RTF2: variants seen among roughly 807,000 people sequenced by gnomAD.
RTF2 encodes the protein replication termination factor 2.
A neutral mutation model predicts 38.0 loss-of-function variants in RTF2; 18 were observed. The ratio of observed to expected loss-of-function variants is 0.47; its 90% CI spans 0.33 to 0.70. RTF2 has a LOEUF of 0.70. RTF2 is among the 30% of genes least tolerant of loss of function. RTF2 has a pLI of 0.02. For synonymous variants in RTF2, 126 were observed against 137.1 expected, an observed-to-expected ratio of 0.92 and a Z score of 0.57; for missense variants, 311 against 379.6, an observed-to-expected ratio of 0.82 and a Z score of 1.50.
chr20:56,506,753 T>C (rs960321073), intron 5 of RTF2, among the ~76,000 whole-genome samples: 3 of 152,030 alleles, frequency 2.0e-5, no homozygotes, highest in Non-Finnish European at 4.4e-5. Context: ...CAGGCTGGAG[T>C]GCAGTGGCAC....
intron 1 of RTF2, chr20:56,472,275 C>G (rs993476752): frequency 2.0e-6 from 2 of 1,022,734 alleles, no homozygotes; most frequent in African/African-American, 3.3e-5. Context: ...TTCTTTTTTT[C>G]TTTTCTCTTC....
At chr20:56,508,751 G>A (rs972560016) in intron 5 of RTF2, among the ~76,000 whole-genome samples, 1 of 152,156 alleles carries the variant, frequency 6.6e-6, no homozygotes, top group African/African-American at 2.4e-5. Context: ...TGACAAAAGG[G>A]CCAAGTCAAT....
At chr20:56,517,621 A>G (rs1985132941) in intron 8 of RTF2, among the ~76,000 whole-genome samples, 1 of 152,204 alleles carries the variant, frequency 6.6e-6, no homozygotes, top group Non-Finnish European at 1.5e-5. Flanking sequence ...CTGCCTCTTG[A>G]CCAAGGATCA....
At chr20:56,502,578 A>ATTTTTTTTTTTTTTT (rs1292800641) in intron 5 of RTF2, among the ~76,000 whole-genome samples, 1 of 152,166 alleles carries the variant, frequency 6.6e-6, no homozygotes, top group Non-Finnish European at 1.5e-5. Flanking sequence ...CTTTCGTTGC[A>ATTTTTTTTTTTTTTT]TTTTTTATAT....
chr20:56,495,540 C>T (rs1429750635), intron 5 of RTF2, among the ~76,000 whole-genome samples: 4 of 152,182 alleles, frequency 2.6e-5, no homozygotes, highest in African/African-American at 9.7e-5. Flanking sequence ...GGTTGGGGAT[C>T]CCCATCTTTG....
chr20:56,492,944 G>A (rs760556346), intron 5 of RTF2, among the ~76,000 whole-genome samples: 5 of 151,852 alleles, frequency 3.3e-5, no homozygotes, highest in South Asian at 2.1e-4. Context: ...TTGGGAGGCC[G>A]AGGCGGGTGG....
chr20:56,480,352 G>A (rs1229520326), intron 4 of RTF2, among the ~76,000 whole-genome samples: 1 of 152,192 alleles, frequency 6.6e-6, no homozygotes, highest in African/African-American at 2.4e-5. Context: ...AGCCTTCATA[G>A]AATTGAAGAG....
intron 4 of RTF2, among the ~76,000 whole-genome samples, chr20:56,479,776 C>T (rs1489376639): frequency 6.6e-6 from 1 of 152,004 alleles, no homozygotes; most frequent in Non-Finnish European, 1.5e-5. Flanking sequence ...TCTTGCGTGA[C>T]CTAGGTGCAT....
In RTF2 at chr20:56,497,093, C is replaced by A. The variant is rs993433647; in HGVS notation, c.477+12904C>A. On this transcript the variant is annotated intron_variant, in intron 5 of 8. Coordinates refer to ENST00000357348, the MANE Select transcript of RTF2 (RefSeq NM_016407.5). ...GTCTTGTAAAGCCAGCATAAGCCAC[C>A]TTCTCTGTCTTGGAGGAAATAAAAA... 9 of 1,551,688 alleles carry A rather than the reference C, an allele frequency of 5.8e-6. No homozygotes were observed. In the East Asian group the frequency reaches 2.0e-4, roughly 34 times the overall value.
intron 4 of RTF2, among the ~76,000 whole-genome samples, chr20:56,477,407 G>A (rs1425732420): frequency 3.9e-5 from 6 of 152,294 alleles, no homozygotes; most frequent in East Asian, 3.9e-4. Flanking sequence ...CTCATGTGAC[G>A]CTTATGAAAC....
rs369792611 is a variant in RTF2, at chr20:56,518,318, G to A, written c.*53G>A. The A allele has an allele frequency of 3.2e-6, 5 of 1,553,130 alleles. No homozygotes were observed. In the South Asian group the frequency reaches 4.8e-5, roughly 15 times the overall value. On this transcript the variant is annotated 3_prime_UTR_variant, in exon 9 of 9. Coordinates refer to ENST00000357348, the MANE Select transcript of RTF2 (RefSeq NM_016407.5). ...AGAAGGTTGTTTAGTTTCCACGTAG[G>A]CAGGTCGCTTTGTGCCTCTGAGTGC... is the stretch of plus-strand genomic sequence containing the variant.
chr20:56,514,857 G>A (rs1211181083), intron 6 of RTF2, among the ~76,000 whole-genome samples: 1 of 152,174 alleles, frequency 6.6e-6, no homozygotes, highest in Non-Finnish European at 1.5e-5. Flanking sequence ...ATTATAAGAT[G>A]TTAATACAAC....
chr20:56,469,803 T>G (rs948024358), intron 1 of RTF2, among the ~76,000 whole-genome samples: 2 of 152,206 alleles, frequency 1.3e-5, no homozygotes, highest in East Asian at 3.8e-4. Flanking sequence ...CCTCTCCACC[T>G]CTTTCATACT....
At chr20:56,483,474 C>A (rs1982627086) in intron 4 of RTF2, among the ~76,000 whole-genome samples, 1 of 152,068 alleles carries the variant, frequency 6.6e-6, no homozygotes. Flanking sequence ...AGGGACCCAC[C>A]ATCACACTTG....
At chr20:56,492,548 C>T (rs911367211) in intron 5 of RTF2, among the ~76,000 whole-genome samples, 1 of 148,842 alleles carries the variant, frequency 6.7e-6, no homozygotes, top group South Asian at 2.2e-4. Context: ...AGTGAGATCT[C>T]GTCTGTAATT....
intron 3 of RTF2, among the ~76,000 whole-genome samples, chr20:56,476,266 G>C (rs1982236787): frequency 6.6e-6 from 1 of 151,762 alleles, no homozygotes; most frequent in Non-Finnish European, 1.5e-5. Context: ...TTTTGTTTTT[G>C]CTTTTTTCAA....
intron 4 of RTF2, among the ~76,000 whole-genome samples, chr20:56,479,616 A>C (rs1414052863): frequency 1.3e-5 from 2 of 152,218 alleles, no homozygotes; most frequent in African/African-American, 4.8e-5. Flanking sequence ...GAGGAATGGC[A>C]GAGGAAGCCT....
At chr20:56,478,712 G>A (rs1285117803) in intron 4 of RTF2, among the ~76,000 whole-genome samples, 1 of 152,104 alleles carries the variant, frequency 6.6e-6, no homozygotes, top group East Asian at 1.9e-4. Flanking sequence ...TGAAGGTTCG[G>A]GTGGCTGTAG....
chr20:56,497,292 T>C, intron 5 of RTF2: 3 of 1,550,862 alleles, frequency 1.9e-6, no homozygotes, highest in Non-Finnish European at 2.6e-6. Context: ...GAAATCGCCC[T>C]CTTCTGCAGA....
Sources: gnomAD v4.1 joint callset for allele counts (sites outside exome capture counted in the v4.1 genomes callset) on GRCh38, gnomAD v4.1.1 for gene constraint, MANE v1.5 for transcripts, NCBI Gene and HGNC (gene_info 2026-07-23, HGNC 2026-07-21) for gene names.